CTNNA2: variants seen among roughly 807,000 people sequenced by gnomAD.
CTNNA2 encodes catenin alpha-2.
A neutral mutation model predicts 101.0 loss-of-function variants in CTNNA2; 42 were observed. The ratio of observed to expected loss-of-function variants is 0.42; its 90% confidence interval spans 0.32 to 0.54. CTNNA2 has a LOEUF of 0.54. CTNNA2 is among the 20% of genes least tolerant of loss of function. The pLI, the probability that CTNNA2 is intolerant of heterozygous loss-of-function variation, is 0.14. For missense variants in CTNNA2, 871 were observed against 1,223.1 expected (o/e 0.71, Z 4.29); for synonymous variants, 450 against 456.4 (o/e 0.99, Z 0.18).
intron 13 of CTNNA2, chr2:80,579,568 A>T (rs1007695668): frequency 3.9e-5 from 6 of 152,178 alleles, no homozygotes; most frequent in African/African-American, 1.4e-4. Context: ...GGCTCTGCCT[A>T]CTGTAGCCCT....
intron 7 of CTNNA2, among the ~76,000 whole-genome samples, chr2:79,990,051 GA>G (rs963299050): frequency 1.9e-4 from 29 of 152,194 alleles, no homozygotes; most frequent in African/African-American, 7.0e-4. Context: ...GCTGTGGGAA[GA>G]AACAAAGAGT....
intron 7 of CTNNA2, among the ~76,000 whole-genome samples, chr2:80,199,016 A>G (rs1422645751): frequency 6.6e-6 from 1 of 151,814 alleles, no homozygotes; most frequent in Non-Finnish European, 1.5e-5. Context: ...CCCCGTCTCT[A>G]CTAAAAATAA....
intron 1 of CTNNA2, among the ~76,000 whole-genome samples, chr2:79,521,227 T>C (rs1274196101): frequency 6.8e-6 from 1 of 147,642 alleles, no homozygotes; most frequent in Non-Finnish European, 1.5e-5. Flanking sequence ...GGGAATACAT[T>C]GGAAAAGATT....
chr2:80,316,643 T>C (rs1384181767), intron 7 of CTNNA2, among the ~76,000 whole-genome samples: 1 of 152,188 alleles, frequency 6.6e-6, no homozygotes, highest in Non-Finnish European at 1.5e-5. Context: ...TAAAACCGAA[T>C]GCTGTTGTTT....
At chr2:80,275,877 C>A (rs1478445382) in intron 7 of CTNNA2, among the ~76,000 whole-genome samples, 1 of 152,002 alleles carries the variant, frequency 6.6e-6, no homozygotes, top group African/African-American at 2.4e-5. Flanking sequence ...ATATTATTTT[C>A]TCTCTTTTTT....
chr2:80,169,067 G>T (rs973902775), intron 7 of CTNNA2, among the ~76,000 whole-genome samples: 4 of 152,194 alleles, frequency 2.6e-5, no homozygotes, highest in African/African-American at 9.7e-5. Flanking sequence ...GGGAGCCCAT[G>T]CCTTTATCCT....
At chr2:79,631,923 C>T (rs2104363560) in intron 1 of CTNNA2, among the ~76,000 whole-genome samples, 1 of 152,212 alleles carries the variant, frequency 6.6e-6, no homozygotes, top group Non-Finnish European at 1.5e-5. Context: ...ATGGTTTATT[C>T]CTCTGAGGAT....
chr2:79,324,288 G>A lies in CTNNA2; in HGVS notation c.-318+11492G>A, dbSNP rs546219306. Among the ~76,000 whole-genome samples the A allele has an allele frequency of 3.3e-5, 5 of 152,264 alleles. 1 individual carries two copies. Among genetic ancestry groups the A allele is most frequent in the African/African-American group, 1.2e-4 (5 of 41,564 alleles). ...CTTGTTGGAGTATGCATGGCAAGCA[G>A]GGTGTGGTTAGGTTTCAAAGGCTCC... On this transcript the variant is annotated intron_variant, in intron 3 of 21. Coordinates refer to the CTNNA2 transcript ENST00000466387.
intron 3 of CTNNA2, among the ~76,000 whole-genome samples, chr2:79,763,093 G>C (rs937561672): frequency 6.6e-6 from 1 of 152,084 alleles, no homozygotes; most frequent in African/African-American, 2.4e-5. Context: ...TGACAGTTTC[G>C]TGATTGACAA....
intron 2 of CTNNA2, among the ~76,000 whole-genome samples, chr2:79,674,693 G>A (rs963233579): frequency 2.6e-5 from 4 of 152,130 alleles, no homozygotes; most frequent in Non-Finnish European, 5.9e-5. Flanking sequence ...AAGGGAAATG[G>A]CTAAGGAGAG....
intron 4 of CTNNA2, among the ~76,000 whole-genome samples, chr2:79,473,399 A>G (rs1311929147): frequency 2.0e-5 from 3 of 151,862 alleles, no homozygotes; most frequent in South Asian, 4.2e-4. Context: ...TACATTTTCA[A>G]TCTCTCTGTC....
At position 79,850,219 on chromosome 2, in the gene CTNNA2, C is replaced by T. The variant is rs528557637; in HGVS notation, c.299-7794C>T. ...TTCCTTTCTTCCTTCATCCCTCCCT[C>T]GCTCCCTCTGTATCTCTCTCCCTCT... On this transcript the variant is annotated intron_variant, in intron 3 of 18. Transcript: ENST00000402739. Among the ~76,000 whole-genome samples the T allele has an allele frequency of 8.0e-5, 12 of 149,590 alleles. No individual in the cohort carries two copies. The South Asian group carries it at 2.2e-3, about 27-fold the overall frequency.
chr2:80,571,601 T>C (rs966481981), intron 12 of CTNNA2, among the ~76,000 whole-genome samples: 19 of 152,328 alleles, frequency 1.2e-4, no homozygotes, highest in African/African-American at 4.6e-4. Context: ...TTTTCATTTG[T>C]GTATTTAAAA....
chr2:80,419,449 C>T lies in CTNNA2; in HGVS notation c.1138C>T (p.Leu380Phe). 1.3e-6 allele frequency: 2 copies of T among 1,597,062 alleles called. No homozygotes were observed. Among genetic ancestry groups the T allele is most frequent in the Non-Finnish European group, 8.5e-7 (1 of 1,169,646 alleles). ...TTTTTTGTTTTTGTTTCAACTGTAG[C>T]TTCGGAAAGCAGTGATGGATCACAT... Reference protein sequence around the residue: ...TKKTRDLRRQLRKAVMDHISD... With the variant: ...TKKTRDLRRQFRKAVMDHISD... Residue 380 changes from leucine (L) to phenylalanine (F), a missense_variant and splice_region_variant, in exon 9 of 19, where the codon CTT becomes TTT. This residue lies in a region of CTNNA2 where 647 missense variants were observed against 831.5 expected (regional missense o/e 0.78). Coordinates refer to ENST00000402739, the MANE Select transcript of CTNNA2 (RefSeq NM_001282597.3).
At position 79,262,541 on chromosome 2, in the gene CTNNA2, G is replaced by C. The variant is rs937800473; in HGVS notation, c.-405-50168G>C. Among the ~76,000 whole-genome samples the C allele has an allele frequency of 2.0e-5, 3 of 151,980 alleles. No homozygotes were observed. The East Asian group carries it at 5.8e-4, about 29-fold the overall frequency. On this transcript the variant is annotated intron_variant, in intron 2 of 21. Transcript: ENST00000466387. ...TATAGAGAAAAAAAAAACTAGGCTT[G>C]AGATTTCTGTGAAACTTAGAGATAA...
chr2:80,591,769 C>T (rs1696533311), intron 15 of CTNNA2, among the ~76,000 whole-genome samples: 1 of 152,054 alleles, frequency 6.6e-6, no homozygotes, highest in Non-Finnish European at 1.5e-5. Context: ...ATTCTTATCA[C>T]TAGCTAATTC....
intron 7 of CTNNA2, among the ~76,000 whole-genome samples, chr2:80,043,314 C>A (rs1403795292): frequency 6.6e-6 from 1 of 151,382 alleles, no homozygotes. Context: ...TCTCATGCCT[C>A]AGCCTCCTGA....
At chr2:79,784,941 T>C (rs1007674037) in intron 3 of CTNNA2, among the ~76,000 whole-genome samples, 1 of 152,128 alleles carries the variant, frequency 6.6e-6, no homozygotes. Flanking sequence ...AGGCATTGTA[T>C]GGGAGCTTCC....
intron 4 of CTNNA2, among the ~76,000 whole-genome samples, chr2:79,385,205 C>T (rs915434381): frequency 2.0e-5 from 3 of 152,180 alleles, no homozygotes; most frequent in Non-Finnish European, 4.4e-5. Flanking sequence ...ATTGTTCCCA[C>T]ATAGGCCCTT....
Sources: gnomAD v4.1 joint callset for allele counts (sites outside exome capture counted in the v4.1 genomes callset) on GRCh38, gnomAD v4.1.1 for gene constraint, gnomAD v4.1.1 regional missense constraint, MANE v1.5 for transcripts, NCBI Gene and HGNC (gene_info 2026-07-23, HGNC 2026-07-21) for gene names.